RALGAPA2: variants seen among roughly 807,000 people sequenced by gnomAD.
RALGAPA2 encodes Ral GTPase activating protein catalytic subunit alpha 2.
In RALGAPA2, 139 loss-of-function variants were observed where a neutral mutation model predicts 230.4. The observed-to-expected ratio is 0.60, with a 90% confidence interval of 0.53 to 0.69. The LOEUF is 0.69. RALGAPA2 is among the 30% of genes least tolerant of loss of function. The pLI is 0.00. For synonymous variants in RALGAPA2, 847 were observed against 837.8 expected (o/e 1.01, Z -0.19); for missense variants, 2,163 against 2,276.0 (o/e 0.95, Z 1.01).
At chr20:20,393,941 C>T (rs555433005) in intron 39 of RALGAPA2, among the ~76,000 whole-genome samples, 11 of 152,268 alleles carry the variant, frequency 7.2e-5, no homozygotes, top group Admixed American at 2.0e-4. Context: ...CCCCTAGCAC[C>T]GTTCTGCGAG....
chr20:20,572,644 G>C (rs901021111), intron 21 of RALGAPA2, among the ~76,000 whole-genome samples: 1 of 152,044 alleles, frequency 6.6e-6, no homozygotes, highest in African/African-American at 2.4e-5. Flanking sequence ...TTAACATCCT[G>C]TATTTAATAT....
At chr20:20,605,481 T>C in intron 14 of RALGAPA2, 69 bp from the exon 15 acceptor site, 3 of 1,159,186 alleles carry the variant, frequency 2.6e-6, no homozygotes, top group Non-Finnish European at 3.7e-6. Context: ...TTAAACAAAA[T>C]GTTTTAAATT....
chr20:20,503,430 T>G lies in RALGAPA2; in HGVS notation c.5129A>C (p.Tyr1710Ser). ...NGSTGQTAPY[Y>S]ATSTVEVIFH... is the part of the protein sequence containing the mutation. ...AATCACTTCCACAGTTGAGGTAGCA[T>G]AGTAAGGGGCCGTCTGCCCGGTGCT... The change falls in exon 35 of 40, where the codon TAT (tyrosine) becomes TCT (serine). Residue 1710 changes from tyrosine to serine, a missense_variant. By Grantham distance (144) the Tyr-to-Ser change is moderately radical (BLOSUM62 -2). Coordinates refer to ENST00000202677, the MANE Select transcript of RALGAPA2 (RefSeq NM_020343.4). 1 of 1,608,894 alleles carries G rather than the reference T, an allele frequency of 6.2e-7. No individual in the cohort carries two copies. The highest frequency in any genetic ancestry group is 8.5e-7 in the Non-Finnish European group (1 of 1,177,246).
chr20:20,603,516 G>C lies in RALGAPA2; in HGVS notation c.2038+1659C>G, dbSNP rs910317631. Among the ~76,000 whole-genome samples, 4 of 152,230 alleles carry C rather than the reference G, an allele frequency of 2.6e-5. No homozygotes were observed. The South Asian group carries it at 8.3e-4, about 32-fold the overall frequency. On this transcript the variant is annotated intron_variant, in intron 15 of 39. Transcript: ENST00000202677. ...AGCAAAACTGAACAAGCAGAGACTT[G>C]AAATGCACTTGAAAATTTGAGCTTA...
chr20:20,633,339 T>C (rs1415505902), intron 9 of RALGAPA2, among the ~76,000 whole-genome samples: 1 of 152,040 alleles, frequency 6.6e-6, no homozygotes, highest in Non-Finnish European at 1.5e-5. Context: ...TTCACCATGT[T>C]GGCCAGGCTG....
intron 37 of RALGAPA2, among the ~76,000 whole-genome samples, chr20:20,415,498 A>G (rs944367706): frequency 8.5e-5 from 13 of 152,262 alleles, no homozygotes; most frequent in African/African-American, 3.1e-4. Flanking sequence ...TACTCAATTC[A>G]GGGAACATTC....
intron 39 of RALGAPA2, among the ~76,000 whole-genome samples, chr20:20,396,222 G>A (rs1017033635): frequency 3.3e-5 from 5 of 152,188 alleles, no homozygotes; most frequent in Non-Finnish European, 7.3e-5. Context: ...TTCCCCAGCT[G>A]TTCCATTCAG....
intron 20 of RALGAPA2, among the ~76,000 whole-genome samples, chr20:20,575,537 C>T (rs550465617): frequency 6.6e-6 from 1 of 152,166 alleles, no homozygotes; most frequent in Non-Finnish European, 1.5e-5. Flanking sequence ...AGCCAGAACC[C>T]GCCTAATTTA....
At chr20:20,612,446 C>T (rs539939721) in intron 13 of RALGAPA2, among the ~76,000 whole-genome samples, 2 of 152,226 alleles carry the variant, frequency 1.3e-5, no homozygotes, top group African/African-American at 4.8e-5. Flanking sequence ...TCATAGTTCC[C>T]GTTTACTTTT....
intron 37 of RALGAPA2, among the ~76,000 whole-genome samples, chr20:20,459,425 C>CTT (rs11476592): frequency 1.5e-5 from 2 of 129,608 alleles, no homozygotes; most frequent in African/African-American, 5.6e-5. Context: ...GGTTTTTTTG[C>CTT]TTTTTTTTTT....
intron 37 of RALGAPA2, among the ~76,000 whole-genome samples, chr20:20,468,073 A>G (rs992937465): frequency 6.6e-6 from 1 of 152,014 alleles, no homozygotes; most frequent in Admixed American, 6.6e-5. Flanking sequence ...CTGAAAGCTC[A>G]TTACTTTTTG....
chr20:20,670,638 T>C (rs1475239418), intron 3 of RALGAPA2, among the ~76,000 whole-genome samples: 11 of 141,212 alleles, frequency 7.8e-5, no homozygotes. Flanking sequence ...GTCATAACCA[T>C]AGTAAAAAAA....
intron 23 of RALGAPA2, among the ~76,000 whole-genome samples, chr20:20,553,246 C>T (rs1160153479): frequency 2.0e-5 from 3 of 152,118 alleles, no homozygotes; most frequent in Non-Finnish European, 4.4e-5. Flanking sequence ...GGGTTCTGCA[C>T]CTGGAGAATC....
intron 38 of RALGAPA2, among the ~76,000 whole-genome samples, chr20:20,410,839 G>A (rs1378299273): frequency 2.0e-5 from 3 of 152,260 alleles, no homozygotes; most frequent in South Asian, 2.1e-4. Context: ...AAGCAGAGGC[G>A]TGATTATGCA....
intron 17 of RALGAPA2, among the ~76,000 whole-genome samples, chr20:20,590,930 A>T (rs2065269981): frequency 6.6e-6 from 1 of 152,142 alleles, no homozygotes; most frequent in Non-Finnish European, 1.5e-5. Context: ...TCTCGTCCTC[A>T]AACATGCCAA....
intron 37 of RALGAPA2, among the ~76,000 whole-genome samples, chr20:20,428,267 C>G (rs1025000546): frequency 3.3e-5 from 5 of 152,182 alleles, no homozygotes; most frequent in Admixed American, 6.5e-5. Context: ...CCAACCCACA[C>G]AATTCTCTGG....
intron 37 of RALGAPA2, among the ~76,000 whole-genome samples, chr20:20,434,441 G>C (rs1198632038): frequency 6.6e-6 from 1 of 152,088 alleles, no homozygotes; most frequent in Non-Finnish European, 1.5e-5. Context: ...AGCTGTGCAG[G>C]GGACTGTTTC....
intron 23 of RALGAPA2, among the ~76,000 whole-genome samples, chr20:20,554,977 T>G (rs1018465854): frequency 6.6e-6 from 1 of 152,256 alleles, no homozygotes; most frequent in Non-Finnish European, 1.5e-5. Flanking sequence ...ATATTTGGTT[T>G]CATATCTAAA....
intron 38 of RALGAPA2, among the ~76,000 whole-genome samples, chr20:20,402,063 C>T (rs112975702): frequency 4.3e-4 from 65 of 152,288 alleles, no homozygotes; most frequent in African/African-American, 1.4e-3. Flanking sequence ...ACAGCAGGCA[C>T]GGAGAGGCAG....
Sources: allele counts gnomAD v4.1 joint callset (sites outside exome capture counted in the v4.1 genomes callset), GRCh38; gene constraint gnomAD v4.1.1; transcripts MANE v1.5; gene names NCBI Gene and HGNC (gene_info 2026-07-23, HGNC 2026-07-21).